Variants in SVIL observed in about 807,000 individuals in gnomAD.
SVIL encodes the protein supervillin, also known as archvillin.
Under a neutral mutation model 240.4 loss-of-function variants are expected in SVIL, and 101 were observed. The ratio of observed to expected loss-of-function variants is 0.42; its 90% CI spans 0.36 to 0.50. The LOEUF (loss-of-function observed/expected upper bound fraction) is 0.50. Among genes scored for constraint, SVIL ranks in the 20% least tolerant of loss-of-function variants. The pLI is 0.01. For synonymous variants in SVIL, 999 were observed against 1,100.0 expected (o/e 0.91, Z 1.82); for missense variants, 2,512 against 2,818.7 (o/e 0.89, Z 2.46).
rs776461103 is a variant in SVIL at position 29,533,168 on chromosome 10, T to G, written c.1199A>C (p.Asn400Thr). Residue 400 changes from asparagine to threonine, a missense_variant, in exon 8 of 38, where the codon AAT becomes ACT. Asn to Thr is a moderately conservative substitution (Grantham distance 65, BLOSUM62 0). Around this residue, in one of 3 missense-constraint regions of SVIL, gnomAD observed 1,443 missense variants for 1,486.6 expected, o/e 0.97. Coordinates refer to ENST00000355867, the MANE Select transcript of SVIL (RefSeq NM_021738.3). Reference sequence around the variant, plus strand: ...CGTCAAGCTGGGAGGTTTGGGGACATTCTGGGTGGCTGATGCTACCCAGCT... The same window carrying G: ...CGTCAAGCTGGGAGGTTTGGGGACAGTCTGGGTGGCTGATGCTACCCAGCT... ...ECSWVASATQ[N>T]VPKPPSLTVL... 1.2e-6 allele frequency: 2 copies of G among 1,614,182 alleles called. No individual in the cohort carries two copies. Among genetic ancestry groups the G allele is most frequent in the Non-Finnish European group, 1.7e-6 (2 of 1,180,030 alleles).
Position 29,458,022 on chromosome 10 carries a change from T to TC in SVIL, c.*224_*225insG. 1 of 481,898 alleles carries TC rather than the reference T, an allele frequency of 2.1e-6. No individual in the cohort carries two copies. 29.9% of individuals were successfully genotyped at this position (481,898 alleles called of 1,614,324 possible). A position where few individuals can be genotyped will look rare whatever the true frequency, so the allele number is the denominator to read the frequency against. ...TGCACATAACAGATACTTTTATTAA[T>TC]TCTGATAACCTCCTGAATGGTGGAA... On this transcript the variant is annotated 3_prime_UTR_variant, in exon 38 of 38. Coordinates refer to ENST00000355867, the MANE Select transcript of SVIL (RefSeq NM_021738.3).
intron 1 of SVIL, among the ~76,000 whole-genome samples, chr10:29,722,557 T>C (rs1964054571): frequency 1.3e-5 from 2 of 152,238 alleles, no homozygotes; most frequent in African/African-American, 4.8e-5. Context: ...ACTAGAATCC[T>C]TTCCAATTCA....
chr10:29,628,580 T>C (rs1957963692), intron 1 of SVIL, among the ~76,000 whole-genome samples: 1 of 152,240 alleles, frequency 6.6e-6, no homozygotes, highest in African/African-American at 2.4e-5. Context: ...TCACAAATCG[T>C]AGGTGCATTA....
intron 16 of SVIL, among the ~76,000 whole-genome samples, chr10:29,514,994 A>G (rs1950114989): frequency 6.6e-6 from 1 of 152,232 alleles, no homozygotes; most frequent in South Asian, 2.1e-4. Context: ...AATAACGGGA[A>G]GTAAGCCGTG....
chr10:29,526,304 TC>T (rs2087302910), intron 13 of SVIL, among the ~76,000 whole-genome samples: 1 of 129,264 alleles, frequency 7.7e-6, no homozygotes, highest in Non-Finnish European at 1.7e-5. Flanking sequence ...TTTTTCTCTT[TC>T]TTTTTTTTTT....
intron 17 of SVIL, 86 bp from the exon 18 acceptor site, chr10:29,499,349 A>G: frequency 1.3e-6 from 2 of 1,553,446 alleles, no homozygotes; most frequent in Admixed American, 3.5e-5. Flanking sequence ...TGAGTGAAAA[A>G]AGCAGGTTGA....
chr10:29,597,023 T>A (rs1031596881), intron 1 of SVIL, among the ~76,000 whole-genome samples: 4 of 152,058 alleles, frequency 2.6e-5, no homozygotes, highest in Non-Finnish European at 4.4e-5. Context: ...GAATGTCTGG[T>A]GATGGTCCAG....
At chr10:29,599,141 T>TA (rs1326845027) in intron 1 of SVIL, among the ~76,000 whole-genome samples, 2 of 152,128 alleles carry the variant, frequency 1.3e-5, no homozygotes, top group African/African-American at 4.8e-5. Flanking sequence ...CATGCTGATC[T>TA]GGCAAAGAAA....
intron 23 of SVIL, among the ~76,000 whole-genome samples, chr10:29,488,128 A>C (rs1393148028): frequency 6.6e-6 from 1 of 152,072 alleles, no homozygotes; most frequent in African/African-American, 2.4e-5. Flanking sequence ...GGTGGGCTTC[A>C]TCTGCGTCGA....
intron 17 of SVIL, among the ~76,000 whole-genome samples, chr10:29,507,031 C>T (rs1422136641): frequency 3.3e-5 from 5 of 152,192 alleles, no homozygotes; most frequent in Non-Finnish European, 7.3e-5. Flanking sequence ...CACAGTGGCT[C>T]AGCCCAGGCT....
chr10:29,582,302 G>A (rs1435491341), intron 1 of SVIL, among the ~76,000 whole-genome samples: 2 of 152,176 alleles, frequency 1.3e-5, no homozygotes, highest in Non-Finnish European at 2.9e-5. Flanking sequence ...CACATGCTGA[G>A]CACCTGGAGA....
chr10:29,579,315 G>T (rs1955836659), intron 1 of SVIL, among the ~76,000 whole-genome samples: 1 of 152,178 alleles, frequency 6.6e-6, no homozygotes. Context: ...GCGGGCGCCT[G>T]TAGTCCCAGC....
At chr10:29,601,117 A>G (rs117513008) in intron 1 of SVIL, among the ~76,000 whole-genome samples, 1 of 152,206 alleles carries the variant, frequency 6.6e-6, no homozygotes, top group African/African-American at 2.4e-5. Flanking sequence ...ATATGTGACT[A>G]CAATTATAGA....
intron 16 of SVIL, among the ~76,000 whole-genome samples, chr10:29,517,280 G>T (rs1198136564): frequency 2.0e-5 from 3 of 152,032 alleles, no homozygotes; most frequent in Non-Finnish European, 4.4e-5. Flanking sequence ...TAAAAAGCCA[G>T]CTGAGCATGG....
At chr10:29,584,179 C>T (rs1393756135) in intron 1 of SVIL, among the ~76,000 whole-genome samples, 6 of 152,186 alleles carry the variant, frequency 3.9e-5, no homozygotes, top group African/African-American at 7.2e-5. Context: ...GGAAGAAGAG[C>T]GGACAGTGTG....
intron 2 of SVIL, among the ~76,000 whole-genome samples, chr10:29,659,479 A>G (rs1387658020): frequency 6.6e-6 from 1 of 152,164 alleles, no homozygotes; most frequent in African/African-American, 2.4e-5. Flanking sequence ...ATTGCAAGAA[A>G]CCACAGCTGA....
At chr10:29,564,583 A>G (rs3758369) in intron 2 of SVIL, among the ~76,000 whole-genome samples, 65,700 of 151,878 alleles carry the variant, frequency 0.43, 14,292 homozygotes, top group African/African-American at 0.47. Context: ...CGAGGAAGCC[A>G]CTGCGCATAC....
At position 29,707,162 on chromosome 10, in the gene SVIL, C is replaced by T. The variant is rs1266549028; in HGVS notation, c.-399-20511G>A. On this transcript the variant is annotated intron_variant, in intron 1 of 35. Transcript: ENST00000375400. ...ATGTAAAAATTAAAGTAGTTTCTAT[C>T]TAATTCTGTGAAGAATGTCAGTGGT... is the stretch of plus-strand genomic sequence containing the variant. Among the ~76,000 whole-genome samples the T allele has an allele frequency of 7.2e-5, 11 of 152,298 alleles. No homozygotes were observed. In the South Asian group the frequency reaches 2.1e-3, roughly 29 times the overall value.
At chr10:29,508,131 C>T (rs1457262564) in intron 17 of SVIL, 1 of 299,734 alleles carries the variant, frequency 3.3e-6, no homozygotes, top group African/African-American at 2.2e-5. Flanking sequence ...CAGAAAATAT[C>T]ATCTTCTTTA....
Sources: allele counts gnomAD v4.1 joint callset (sites outside exome capture counted in the v4.1 genomes callset), GRCh38; gene constraint gnomAD v4.1.1; regional missense constraint gnomAD v4.1.1; transcripts MANE v1.5; gene names NCBI Gene and HGNC (gene_info 2026-07-23, HGNC 2026-07-21).